The following ATP2B2 variants were observed in gnomAD, a reference collection of about 807,000 sequenced individuals.
The protein encoded by ATP2B2 is plasma membrane calcium-transporting ATPase 2.
ATP2B2 carries 15 observed loss-of-function variants against 120.0 expected under a neutral mutation model. The ratio of observed to expected loss-of-function variants is 0.12; its 90% CI spans 0.08 to 0.19. ATP2B2 has a LOEUF of 0.19. Among genes scored for constraint, ATP2B2 ranks in the 10% least tolerant of loss-of-function variants. The pLI is 1.00. For synonymous variants in ATP2B2, 694 were observed against 700.3 expected (o/e 0.99, Z 0.14); for missense variants, 1,045 against 1,719.8 (o/e 0.61, Z 6.94).
chr3:10,702,452 T>TTTTATA lies in ATP2B2; in HGVS notation c.-460+5462_-460+5463insTATAAA, dbSNP rs2071832506. 2.0e-5 allele frequency among the ~76,000 whole-genome samples: 3 copies of TTTTATA among 152,276 alleles called. No individual in the cohort carries two copies. The South Asian group carries it at 6.2e-4, about 32-fold the overall frequency. On this transcript the variant is annotated intron_variant, in intron 1 of 21. Coordinates refer to the ATP2B2 transcript ENST00000646379. ...GGATCGCTTTTATAGATGAGGAAAC[T>TTTTATA]GAGACAGACAGAGCTGAAGCCACTT... is the stretch of plus-strand genomic sequence containing the variant.
intron 2 of ATP2B2, among the ~76,000 whole-genome samples, chr3:10,563,162 C>T (rs948378519): frequency 7.2e-5 from 11 of 152,308 alleles, no homozygotes; most frequent in East Asian, 1.9e-4. Flanking sequence ...GGCACTGAGC[C>T]GGAACTTTGC....
chr3:10,331,873 C>T (rs2059990162), intron 22 of ATP2B2: 1 of 1,086,620 alleles, frequency 9.2e-7, no homozygotes, highest in Non-Finnish European at 1.3e-6. Context: ...ACGCACAGGC[C>T]CTGGTCTGAG....
intron 22 of ATP2B2, chr3:10,336,031 G>T: frequency 7.1e-7 from 1 of 1,399,990 alleles, no homozygotes; most frequent in Non-Finnish European, 9.7e-7. Context: ...GCCTGATTGT[G>T]ACCGGCTGCC....
rs961110744 is a variant in ATP2B2, at chr3:10,612,175, T to C, written c.-415+7742A>G. On this transcript the variant is annotated intron_variant, in intron 2 of 21. Transcript: ENST00000646379. The stretch of plus-strand genomic sequence containing the variant: ...CAGGTGTGCTATGACACCTGTGCTA[T>C]GAAAGCTCCCACTTTAACCCCTCCC... Among the ~76,000 whole-genome samples the C allele has an allele frequency of 2.0e-5, 3 of 152,182 alleles. No homozygotes were observed. In the East Asian group the frequency reaches 5.8e-4, roughly 29 times the overall value.
At chr3:10,641,960 C>G (rs1462627914) in intron 1 of ATP2B2, among the ~76,000 whole-genome samples, 1 of 140,546 alleles carries the variant, frequency 7.1e-6, no homozygotes, top group East Asian at 2.1e-4. Context: ...ACTCACTCAC[C>G]CATCCACTCA....
chr3:10,337,016 G>T lies in ATP2B2; in HGVS notation c.3420+1160C>A, dbSNP rs112606000. ...TGGGGGCAGGCTGGGAGGGGTGGCTGCGGGGCCCTAACCAGGGAGGGTGAG... is the reference window on the plus strand; with the variant it reads ...TGGGGGCAGGCTGGGAGGGGTGGCTTCGGGGCCCTAACCAGGGAGGGTGAG... On this transcript the variant is annotated intron_variant, in intron 22 of 22. Transcript: ENST00000360273. Among the ~76,000 whole-genome samples, 399 of 152,296 alleles carry T rather than the reference G, an allele frequency of 2.6e-3. 3 individuals are homozygous for T. The highest frequency in any genetic ancestry group is 8.8e-3 in the African/African-American group (364 of 41,564).
At chr3:10,378,554 T>A in intron 9 of ATP2B2, 144 bp from the exon 10 acceptor site, 1 of 1,127,486 alleles carries the variant, frequency 8.9e-7, no homozygotes, top group Non-Finnish European at 1.3e-6. Context: ...GCATGGCTGG[T>A]GCAGAAGTCC....
chr3:10,370,695 C>T (rs1025707624), intron 12 of ATP2B2, among the ~76,000 whole-genome samples: 1 of 152,196 alleles, frequency 6.6e-6, no homozygotes, highest in African/African-American at 2.4e-5. Context: ...CTAGCAGCTC[C>T]TACAAACCCA....
At chr3:10,507,881 C>T (rs1292603878), upstream of ATP2B2, among the ~76,000 whole-genome samples, 2 of 152,148 alleles carry the variant, frequency 1.3e-5, no homozygotes, top group Non-Finnish European at 2.9e-5. Context: ...AAGAGTAGAC[C>T]AAACTTGTGA....
intron 1 of ATP2B2, among the ~76,000 whole-genome samples, chr3:10,457,727 G>C (rs530637824): frequency 8.5e-5 from 13 of 152,100 alleles, no homozygotes; most frequent in African/African-American, 2.4e-4. Context: ...AAGAGGAAGG[G>C]AACTGAAAAT....
chr3:10,401,959 G>A (rs2062235346), intron 4 of ATP2B2, 132 bp downstream of exon 4: 1 of 1,448,170 alleles, frequency 6.9e-7, no homozygotes, highest in Admixed American at 1.7e-5. Flanking sequence ...GATCTCAGAA[G>A]ACATCTTGGT....
chr3:10,609,012 A>T (rs1269095001), intron 2 of ATP2B2, among the ~76,000 whole-genome samples: 1 of 152,192 alleles, frequency 6.6e-6, no homozygotes, highest in Non-Finnish European at 1.5e-5. Context: ...CTTCCCCGGA[A>T]TTCCGGGCCA....
At chr3:10,699,711 T>C (rs528182856) in intron 1 of ATP2B2, among the ~76,000 whole-genome samples, 2 of 152,178 alleles carry the variant, frequency 1.3e-5, no homozygotes, top group African/African-American at 2.4e-5. Context: ...CTTTAAGAGG[T>C]GATTAGATCA....
chr3:10,488,098 C>T (rs1050151133), intron 1 of ATP2B2, among the ~76,000 whole-genome samples: 3 of 151,856 alleles, frequency 2.0e-5, no homozygotes, highest in African/African-American at 4.8e-5. Context: ...TCCATCCATC[C>T]AGCCATCCAT....
At chr3:10,353,006 C>G (rs2060620605) in intron 14 of ATP2B2, among the ~76,000 whole-genome samples, 1 of 152,232 alleles carries the variant, frequency 6.6e-6, no homozygotes, top group Non-Finnish European at 1.5e-5. Context: ...ATGGGCTGGT[C>G]AGCCTCTGCT....
At chr3:10,596,377 T>A (rs1044643465) in intron 2 of ATP2B2, among the ~76,000 whole-genome samples, 1 of 152,254 alleles carries the variant, frequency 6.6e-6, no homozygotes, top group Non-Finnish European at 1.5e-5. Context: ...ATGTGCAGTG[T>A]AGACACTTAA....
At chr3:10,512,477 C>CTCACAG (rs1559431458) in intron 3 of ATP2B2, among the ~76,000 whole-genome samples, 53 of 74,534 alleles carry the variant, frequency 7.1e-4, no homozygotes, top group African/African-American at 2.8e-3. Context: ...CACACACACA[C>CTCACAG]ACACACACAC....
At chr3:10,413,269 C>A (rs749954856) in intron 2 of ATP2B2, among the ~76,000 whole-genome samples, 1 of 152,182 alleles carries the variant, frequency 6.6e-6, no homozygotes, top group Non-Finnish European at 1.5e-5. Context: ...GTTCTAGATG[C>A]GGAGTCTCCT....
chr3:10,552,243 G>T (rs942921549), intron 2 of ATP2B2, among the ~76,000 whole-genome samples: 2 of 152,230 alleles, frequency 1.3e-5, no homozygotes, highest in Non-Finnish European at 2.9e-5. Context: ...TGACAGATTT[G>T]CCCCTGTGGA....
Sources: gnomAD v4.1 joint callset for allele counts (sites outside exome capture counted in the v4.1 genomes callset) on GRCh38, gnomAD v4.1.1 for gene constraint, MANE v1.5 for transcripts, NCBI Gene and HGNC (gene_info 2026-07-23, HGNC 2026-07-21) for gene names.